The following SENP6 variants were observed in gnomAD, a reference collection of about 807,000 sequenced individuals.
SENP6 encodes SUMO specific peptidase 6.
SENP6 carries 41 observed loss-of-function variants against 134.5 expected under a neutral mutation model. That is an observed-to-expected ratio of 0.30 (90% CI 0.24 to 0.40). The LOEUF is 0.40. Among genes scored for constraint, SENP6 ranks in the 10% least tolerant of loss-of-function variants. The probability of loss-of-function intolerance (pLI) is 1.00; values close to 1 mark genes in which losing one functional copy is unlikely to be tolerated. For missense variants in SENP6, 1,248 were observed against 1,312.5 expected (o/e 0.95, Z 0.76); for synonymous variants, 395 against 429.8 (o/e 0.92, Z 1.00).
At position 75,602,229 on chromosome 6, in the gene SENP6, G is replaced by A; in HGVS notation, c.-296G>A. 1 of 341,194 alleles carries A rather than the reference G, an allele frequency of 2.9e-6. No individual in the cohort carries two copies. The allele number at this position is 341,194 out of a possible 1,614,324, so 21.1% of individuals were successfully genotyped here. ...CGGTGGATGGGGAGTCGTGGGCCGA[G>A]AGGAACCGGGCCCGGGAAGCGCCGT... On this transcript the variant is annotated 5_prime_UTR_variant, in exon 1 of 24. Coordinates refer to ENST00000447266, the MANE Select transcript of SENP6 (RefSeq NM_015571.4).
chr6:75,667,836 A>G (rs899560642), intron 10 of SENP6, among the ~76,000 whole-genome samples: 3 of 152,332 alleles, frequency 2.0e-5, no homozygotes, highest in South Asian at 2.1e-4. Flanking sequence ...GTATATCCAT[A>G]TGATGCAGCC....
intron 3 of SENP6, among the ~76,000 whole-genome samples, chr6:75,626,488 A>G (rs1305493030): frequency 6.6e-6 from 1 of 152,058 alleles, no homozygotes; most frequent in Non-Finnish European, 1.5e-5. Context: ...TTTTATTGTT[A>G]TATAGTACTT....
rs1475247913 is a variant in SENP6, at chr6:75,713,731, A to G, written c.3035A>G (p.Asp1012Gly). 6 of 1,613,334 alleles carry G rather than the reference A, an allele frequency of 3.7e-6. No homozygotes were observed. The African/African-American group carries it at 4.0e-5, about 11-fold the overall frequency. ...KKGSKRSFSKDVMKGSNPKVP... is the reference protein window; with the variant it reads ...KKGSKRSFSKGVMKGSNPKVP... Reference sequence around the variant, plus strand: ...GGAAGCAAAAGAAGTTTTTCCAAAGATGTTATGAAGGGCTCTAATCCAAAA... The same window carrying G: ...GGAAGCAAAAGAAGTTTTTCCAAAGGTGTTATGAAGGGCTCTAATCCAAAA... Residue 1012 changes from aspartate to glycine, a missense_variant, in exon 23 of 24, where the codon GAT becomes GGT. Transcript: ENST00000447266.
At chr6:75,668,651 C>T (rs1172338272) in intron 10 of SENP6, among the ~76,000 whole-genome samples, 5 of 152,168 alleles carry the variant, frequency 3.3e-5, no homozygotes, top group African/African-American at 9.7e-5. Context: ...CTGTTGAGGG[C>T]AGTTTGGCAG....
chr6:75,703,182 G>A lies in SENP6; in HGVS notation c.2716+110G>A, dbSNP rs148297485. Reference sequence around the variant, plus strand: ...AAAAAAATCAGGTTAATGACTGGGTGTGGTGGCTCACGCTTATAATCCCAG... The same window carrying A: ...AAAAAAATCAGGTTAATGACTGGGTATGGTGGCTCACGCTTATAATCCCAG... On this transcript the variant is annotated intron_variant, in intron 19 of 23. Coordinates refer to ENST00000447266, the MANE Select transcript of SENP6 (RefSeq NM_015571.4). 2.1e-4 allele frequency: 196 copies of A among 934,104 alleles called. No individual in the cohort carries two copies. In the African/African-American group the frequency reaches 2.9e-3, roughly 14 times the overall value. The allele number at this position is 934,104 out of a possible 1,614,324, so 57.9% of individuals were successfully genotyped here.
chr6:75,687,960 C>CAGA (rs35236401), intron 16 of SENP6, among the ~76,000 whole-genome samples: 47,000 of 152,010 alleles, frequency 0.31, 7,906 homozygotes, highest in African/African-American at 0.45. Context: ...TTTAAGTCTG[C>CAGA]AGTTGTCTGC....
chr6:75,602,801 G>C (rs1766736321), intron 1 of SENP6, among the ~76,000 whole-genome samples: 1 of 152,222 alleles, frequency 6.6e-6, no homozygotes, highest in Non-Finnish European at 1.5e-5. Flanking sequence ...GGCGCGGGTG[G>C]ATTGAGCTAC....
chr6:75,673,815 A>AT (rs1248886861), intron 11 of SENP6, among the ~76,000 whole-genome samples: 1 of 151,560 alleles, frequency 6.6e-6, no homozygotes, highest in African/African-American at 2.4e-5. Flanking sequence ...GAAGTCAGGA[A>AT]TTTCAGACCA....
chr6:75,668,271 C>G (rs983361052), intron 10 of SENP6, among the ~76,000 whole-genome samples: 13 of 151,866 alleles, frequency 8.6e-5, no homozygotes, highest in African/African-American at 3.1e-4. Flanking sequence ...CACATGGTAG[C>G]ACGAGCAAAA....
chr6:75,663,819 T>TGGGGGGGGGGG (rs1199601110), intron 9 of SENP6, among the ~76,000 whole-genome samples: 1 of 90,772 alleles, frequency 1.1e-5, no homozygotes, highest in Non-Finnish European at 2.1e-5. Flanking sequence ...TTTTTTTTTT[T>TGGGGGGGGGGG]GTGGGGGGGG....
chr6:75,622,695 G>A (rs1195074411), intron 2 of SENP6: 1 of 877,998 alleles, frequency 1.1e-6, no homozygotes, highest in African/African-American at 1.7e-5. Context: ...CTATAAATAT[G>A]TTAAAGAAAT....
chr6:75,690,596 A>G (rs950283458), intron 16 of SENP6, among the ~76,000 whole-genome samples: 11 of 152,128 alleles, frequency 7.2e-5, no homozygotes, highest in African/African-American at 2.7e-4. Flanking sequence ...GTTACTGGAG[A>G]TCTGTTTTTA....
At chr6:75,663,144 A>T (rs956654) in intron 8 of SENP6, 77 bp from the exon 9 acceptor site, 2 of 1,335,944 alleles carry the variant, frequency 1.5e-6, no homozygotes, top group African/African-American at 3.0e-5. Context: ...GTTTATGAAC[A>T]CCGTGAATGT....
chr6:75,670,356 G>T (rs1184651283), intron 10 of SENP6, among the ~76,000 whole-genome samples, 197 bp from the exon 11 acceptor site: 2 of 152,016 alleles, frequency 1.3e-5, no homozygotes, highest in Non-Finnish European at 2.9e-5. Context: ...AACAACCAAA[G>T]TATAGCTAAA....
chr6:75,638,019 A>G (rs2149840513), intron 5 of SENP6, among the ~76,000 whole-genome samples: 1 of 151,946 alleles, frequency 6.6e-6, no homozygotes, highest in East Asian at 1.9e-4. Context: ...ATGCCCAGCT[A>G]ATATTTGTGT....
In SENP6 at chr6:75,678,657, A is replaced by C. The variant is rs200517533; in HGVS notation, c.1923A>C (p.Gly641=). 1.9e-6 allele frequency: 3 copies of C among 1,604,204 alleles called. No individual in the cohort carries two copies. The East Asian group carries it at 6.7e-5, about 36-fold the overall frequency. ...TTTTTGATGAAGAAGAAGAAACTGG[A>C]GAAAACCACACCATCTTCATTGGCC... The part of the protein sequence containing the change: ...FQFFDEEEET[G]ENHTIFIGPV... The change falls in exon 15 of 24, where the codon GGA becomes GGC. Residue 641 remains glycine, a synonymous_variant. Transcript: ENST00000447266.
chr6:75,614,839 T>C (rs1449220945), intron 1 of SENP6, among the ~76,000 whole-genome samples: 2 of 152,170 alleles, frequency 1.3e-5, no homozygotes, highest in African/African-American at 2.4e-5. Context: ...GAGTTATTCC[T>C]GTTTCAGATT....
At chr6:75,689,984 C>T (rs1774123435) in intron 16 of SENP6, among the ~76,000 whole-genome samples, 1 of 152,212 alleles carries the variant, frequency 6.6e-6, no homozygotes. Context: ...GCATCACAGT[C>T]ACAGCTCACG....
At chr6:75,614,845 A>T (rs559447670) in intron 1 of SENP6, among the ~76,000 whole-genome samples, 2 of 152,264 alleles carry the variant, frequency 1.3e-5, no homozygotes, top group South Asian at 4.1e-4. Flanking sequence ...TTCCTGTTTC[A>T]GATTAAGGGA....
Sources: allele counts gnomAD v4.1 joint callset (sites outside exome capture counted in the v4.1 genomes callset), GRCh38; gene constraint gnomAD v4.1.1; transcripts MANE v1.5; gene names NCBI Gene and HGNC (gene_info 2026-07-23, HGNC 2026-07-21).